The following RERG variants were observed in gnomAD, a reference collection of about 807,000 sequenced individuals.
RERG encodes RAS like estrogen regulated growth inhibitor, also known as ras-related and estrogen-regulated growth inhibitor.
Under a neutral mutation model 23.2 loss-of-function variants are expected in RERG, and 25 were observed. The observed-to-expected ratio is 1.08, with a 90% confidence interval of 0.79 to 1.50. The LOEUF (loss-of-function observed/expected upper bound fraction) is 1.50, where lower values mean the gene tolerates loss of function less well. Ranked by LOEUF, RERG falls within the 40% of genes most tolerant of loss-of-function variation. The probability of loss-of-function intolerance (pLI) is 0.00; values close to 1 mark genes in which losing one functional copy is unlikely to be tolerated. For synonymous variants in RERG, 81 were observed against 89.1 expected (o/e 0.91, Z 0.51); for missense variants, 253 against 250.1 (o/e 1.01, Z -0.08).
chr12:15,185,721 A>C (rs1290873436), intron 2 of RERG, among the ~76,000 whole-genome samples: 1 of 152,052 alleles, frequency 6.6e-6, no homozygotes, highest in African/African-American at 2.4e-5. Flanking sequence ...GAGGGTCAAA[A>C]ACTATGCTCA....
At chr12:15,131,906 T>C (rs1031263905) in intron 2 of RERG, among the ~76,000 whole-genome samples, 2 of 152,008 alleles carry the variant, frequency 1.3e-5, no homozygotes, top group African/African-American at 4.8e-5. Context: ...TTACACCCCA[T>C]AAGAAGACAG....
chr12:15,109,275 G>T lies in RERG; in HGVS notation c.435C>A (p.Tyr145Ter). ...KLATELACAF[Y>*]ECSACTGEGN... ...CTTCTCCAGTGCAGGCAGAGCACTC[G>T]TAAAAAGCACAAGCCAATTCTGTGG... Residue 145 changes from tyrosine to a stop codon, truncating the protein, a stop_gained, in exon 5 of 5, where the codon TAC becomes TAA. Coordinates refer to ENST00000256953, the MANE Select transcript of RERG (RefSeq NM_032918.3). LOFTEE classifies it high-confidence loss of function. 6.2e-7 allele frequency: 1 copy of T among 1,614,088 alleles called. No homozygotes were observed. The highest frequency in any genetic ancestry group is 8.5e-7 in the Non-Finnish European group (1 of 1,180,006).
At chr12:15,143,400 ATATT>A (rs1178746687) in intron 2 of RERG, among the ~76,000 whole-genome samples, 1 of 152,036 alleles carries the variant, frequency 6.6e-6, no homozygotes, top group Non-Finnish European at 1.5e-5. Flanking sequence ...TATAATGTAT[ATATT>A]ATATAAACAC....
intron 2 of RERG, among the ~76,000 whole-genome samples, chr12:15,158,353 C>A (rs1242447505): frequency 6.6e-6 from 1 of 152,038 alleles, no homozygotes; most frequent in East Asian, 1.9e-4. Context: ...ATGATCTTGG[C>A]TCGCTGCAGC....
chr12:15,126,229 CTTTT>C (rs1863940644), intron 2 of RERG, among the ~76,000 whole-genome samples: 2 of 148,970 alleles, frequency 1.3e-5, no homozygotes, highest in African/African-American at 4.9e-5. Flanking sequence ...TCTCAACCTT[CTTTT>C]GTTACAAAAG....
intron 2 of RERG, among the ~76,000 whole-genome samples, chr12:15,174,835 T>C: frequency 6.6e-6 from 1 of 152,138 alleles, no homozygotes; most frequent in South Asian, 2.1e-4. Context: ...TTTATTGATA[T>C]TCTCTATTTG....
chr12:15,120,935 T>A (rs1306463318), intron 3 of RERG, 128 bp downstream of exon 3: 4 of 730,846 alleles, frequency 5.5e-6, no homozygotes, highest in Non-Finnish European at 9.6e-6. Flanking sequence ...AGGGCTTCTT[T>A]GCATGATTTG....
chr12:15,213,281 T>C (rs1197401801), intron 2 of RERG, among the ~76,000 whole-genome samples: 1 of 152,214 alleles, frequency 6.6e-6, no homozygotes, highest in Non-Finnish European at 1.5e-5. Context: ...AGCATTTAAA[T>C]AAAAATGTGT....
At chr12:15,156,363 A>AC (rs1205367528) in intron 2 of RERG, among the ~76,000 whole-genome samples, 1 of 152,160 alleles carries the variant, frequency 6.6e-6, no homozygotes, top group African/African-American at 2.4e-5. Flanking sequence ...CTACCTGTGG[A>AC]CCCTTTGCTG....
In RERG at chr12:15,111,302, T is replaced by G. The variant is rs1863609104; in HGVS notation, c.192+42A>C. 2.7e-6 allele frequency: 4 copies of G among 1,490,444 alleles called. No homozygotes were observed. In the East Asian group the frequency reaches 9.1e-5, roughly 34 times the overall value. 92.3% of individuals were successfully genotyped at this position (1,490,444 alleles called of 1,614,324 possible). On this transcript the variant is annotated intron_variant, in intron 4 of 4. Coordinates refer to ENST00000256953, the MANE Select transcript of RERG (RefSeq NM_032918.3). The stretch of plus-strand genomic sequence containing the variant: ...GTTCATAGCATAGATTTCTCAGTTT[T>G]ATTTGATCCAGAAAAATATTTTAGC...
chr12:15,161,120 G>A (rs10846154), intron 2 of RERG, among the ~76,000 whole-genome samples: 25,307 of 133,340 alleles, frequency 0.19, 2,430 homozygotes, highest in Middle Eastern at 0.31. Context: ...AGGCAACAGA[G>A]TGAGACTCCA....
At chr12:15,158,225 A>G (rs963223990) in intron 2 of RERG, among the ~76,000 whole-genome samples, 2 of 151,964 alleles carry the variant, frequency 1.3e-5, no homozygotes, top group Non-Finnish European at 2.9e-5. Context: ...TGAACATAGC[A>G]TTTAGTTGTT....
intron 2 of RERG, among the ~76,000 whole-genome samples, chr12:15,194,035 A>C (rs999088787): frequency 1.3e-5 from 2 of 152,146 alleles, no homozygotes. Context: ...AAAAAAAAGT[A>C]AGTACCTTTA....
At chr12:15,196,622 C>T (rs77539895) in intron 2 of RERG, among the ~76,000 whole-genome samples, 2,393 of 152,128 alleles carry the variant, frequency 0.016, 85 homozygotes, top group African/African-American at 0.055. Flanking sequence ...AAGCTTTTAG[C>T]GATTGGTGAG....
intron 2 of RERG, among the ~76,000 whole-genome samples, chr12:15,126,207 T>C (rs1863939951): frequency 6.8e-6 from 1 of 146,206 alleles, no homozygotes; most frequent in Non-Finnish European, 1.5e-5. Context: ...TTGAAAAAAA[T>C]GCATCGTCTA....
At chr12:15,182,748 G>T (rs901304203) in intron 2 of RERG, among the ~76,000 whole-genome samples, 3 of 152,060 alleles carry the variant, frequency 2.0e-5, no homozygotes, top group African/African-American at 7.2e-5. Context: ...ACTCCCTGAT[G>T]ATCTCAAAAT....
rs368699304 is a variant in RERG, at chr12:15,111,289, G to C, written c.192+55C>G. 2.0e-4 allele frequency: 278 copies of C among 1,399,964 alleles called. No homozygotes were observed. In the African/African-American group the frequency reaches 3.2e-3, roughly 16 times the overall value. The allele number at this position is 1,399,964 out of a possible 1,614,324, so 86.7% of individuals were successfully genotyped here. ...GTGCCTTATTTTTGTTCATAGCATA[G>C]ATTTCTCAGTTTTATTTGATCCAGA... On this transcript the variant is annotated intron_variant, in intron 4 of 4. Transcript: ENST00000256953.
At chr12:15,208,850 T>A (rs1309544099) in intron 2 of RERG, among the ~76,000 whole-genome samples, 2 of 152,148 alleles carry the variant, frequency 1.3e-5, no homozygotes, top group Non-Finnish European at 2.9e-5. Context: ...AAACATTATA[T>A]AAACACACCA....
intron 2 of RERG, among the ~76,000 whole-genome samples, chr12:15,191,401 T>C (rs548694303): frequency 3.3e-5 from 5 of 152,286 alleles, no homozygotes; most frequent in South Asian, 4.1e-4. Flanking sequence ...CCACTCACTA[T>C]AGTGTCAGGG....
Sources: gnomAD v4.1 joint callset for allele counts (sites outside exome capture counted in the v4.1 genomes callset) on GRCh38, gnomAD v4.1.1 for gene constraint, MANE v1.5 for transcripts, NCBI Gene and HGNC (gene_info 2026-07-23, HGNC 2026-07-21) for gene names.